Variants in SPIDR observed in about 807,000 individuals in gnomAD.
The protein encoded by SPIDR is scaffold protein involved in DNA repair.
Under a neutral mutation model 104.6 loss-of-function variants are expected in SPIDR, and 93 were observed. The observed-to-expected ratio is 0.89, with a 90% confidence interval of 0.75 to 1.06. The LOEUF (loss-of-function observed/expected upper bound fraction) is 1.06. SPIDR is among the 50% of genes least tolerant of loss of function. SPIDR has a pLI of 0.00. For synonymous variants in SPIDR, 431 were observed against 416.9 expected (o/e 1.03, Z -0.41); for missense variants, 1,154 against 1,111.2 (o/e 1.04, Z -0.55).
chr8:47,406,241 T>C (rs1196866561), intron 6 of SPIDR, among the ~76,000 whole-genome samples: 1 of 152,222 alleles, frequency 6.6e-6, no homozygotes, highest in Non-Finnish European at 1.5e-5. Context: ...GTGCTAGGTA[T>C]ATTATCAAGA....
chr8:47,310,577 A>G (rs782720905), intron 5 of SPIDR, among the ~76,000 whole-genome samples: 1 of 152,174 alleles, frequency 6.6e-6, no homozygotes, highest in Non-Finnish European at 1.5e-5. Context: ...ATGGTATAAG[A>G]TGAGCATTTC....
chr8:47,581,765 AGAAG>A (rs1371883615), intron 8 of SPIDR, among the ~76,000 whole-genome samples: 1 of 152,188 alleles, frequency 6.6e-6, no homozygotes, highest in East Asian at 1.9e-4. Flanking sequence ...AAAAGGGAGG[AGAAG>A]GAAGGAAGAA....
intron 8 of SPIDR, among the ~76,000 whole-genome samples, chr8:47,568,909 G>GT (rs2058205323): frequency 6.6e-6 from 1 of 152,108 alleles, no homozygotes; most frequent in Non-Finnish European, 1.5e-5. Flanking sequence ...CACATTGAAT[G>GT]TAAATGGATA....
At chr8:47,627,913 TTAGCCTG>T (rs1167607422) in intron 10 of SPIDR, among the ~76,000 whole-genome samples, 1 of 152,214 alleles carries the variant, frequency 6.6e-6, no homozygotes, top group Non-Finnish European at 1.5e-5. Context: ...CTGGTTAACA[TTAGCCTG>T]GGCTGCCTGG....
intron 5 of SPIDR, among the ~76,000 whole-genome samples, chr8:47,352,291 AAG>A (rs1554622921): frequency 6.6e-5 from 10 of 151,378 alleles, no homozygotes; most frequent in African/African-American, 2.4e-4. Context: ...AAAAAAAAAA[AAG>A]AAAGAAAGAA....
At chr8:47,641,468 G>A (rs1349716236) in intron 10 of SPIDR, among the ~76,000 whole-genome samples, 5 of 152,152 alleles carry the variant, frequency 3.3e-5, no homozygotes, top group African/African-American at 4.8e-5. Context: ...GATTCAATTC[G>A]ATGCATTTAC....
At chr8:47,698,770 A>C (rs2079701081) in intron 11 of SPIDR, among the ~76,000 whole-genome samples, 1 of 152,206 alleles carries the variant, frequency 6.6e-6, no homozygotes, top group Non-Finnish European at 1.5e-5. Context: ...GAGAAGCTTT[A>C]GTTTAAAATA....
chr8:47,559,231 G>C (rs2056762137), intron 8 of SPIDR, among the ~76,000 whole-genome samples: 2 of 152,168 alleles, frequency 1.3e-5, no homozygotes, highest in Non-Finnish European at 2.9e-5. Flanking sequence ...ATAAATAGTG[G>C]ACATTTTAAA....
At position 47,293,760 on chromosome 8, in the gene SPIDR, T is replaced by C; in HGVS notation, c.362-107T>C. On this transcript the variant is annotated intron_variant, in intron 4 of 19. Transcript: ENST00000297423. ...ATTGTGCCTGGCCCTAAATATATTT[T>C]TTAAAATTATTGAGTGACATGGATA... 3.2e-6 allele frequency: 4 copies of C among 1,231,434 alleles called. No individual in the cohort carries two copies. The South Asian group carries it at 6.8e-5, about 21-fold the overall frequency. 76.3% of individuals were successfully genotyped at this position (1,231,434 alleles called of 1,614,324 possible).
chr8:47,384,769 TA>T (rs1407968307), intron 5 of SPIDR, among the ~76,000 whole-genome samples: 1 of 152,194 alleles, frequency 6.6e-6, no homozygotes, highest in African/African-American at 2.4e-5. Context: ...GATCCTCTGC[TA>T]AAAAATTCCA....
chr8:47,466,334 G>A (rs73565254), intron 8 of SPIDR, among the ~76,000 whole-genome samples: 2,759 of 152,120 alleles, frequency 0.018, 85 homozygotes, highest in African/African-American at 0.064. Flanking sequence ...GTCAGACCAC[G>A]GCACAATCAA....
chr8:47,714,591 C>T (rs958627615), intron 16 of SPIDR, among the ~76,000 whole-genome samples: 4 of 152,244 alleles, frequency 2.6e-5, no homozygotes, highest in African/African-American at 4.8e-5. Context: ...AGCCCACCCT[C>T]TGTCCCCGGC....
intron 10 of SPIDR, among the ~76,000 whole-genome samples, chr8:47,609,580 G>A (rs1452035228): frequency 6.6e-6 from 1 of 152,068 alleles, no homozygotes; most frequent in East Asian, 1.9e-4. Flanking sequence ...TCCTTTGTAG[G>A]TGGCAGAAAA....
chr8:47,511,598 C>T, intron 8 of SPIDR: 1 of 785,688 alleles, frequency 1.3e-6, no homozygotes, highest in Non-Finnish European at 2.3e-6. Flanking sequence ...AGTTTCAGTA[C>T]TACATGAACA....
At chr8:47,734,250 G>A (rs900779814) in intron 19 of SPIDR, among the ~76,000 whole-genome samples, 1 of 152,086 alleles carries the variant, frequency 6.6e-6, no homozygotes, top group African/African-American at 2.4e-5. Flanking sequence ...GGGCCAGCTG[G>A]AAGCTGGGCA....
rs1331366228 is a variant in SPIDR at position 47,496,431 on chromosome 8, T to A, written c.1097+55889T>A. 2.0e-5 allele frequency among the ~76,000 whole-genome samples: 3 copies of A among 152,318 alleles called. No individual in the cohort carries two copies. In the East Asian group the frequency reaches 5.8e-4, roughly 29 times the overall value. ...ACATGTATTAAATTTAGTAAAATGCTTTTTCTGTGTCTATTTAGATGATTA... is the reference window on the plus strand; with the variant it reads ...ACATGTATTAAATTTAGTAAAATGCATTTTCTGTGTCTATTTAGATGATTA... On this transcript the variant is annotated intron_variant, in intron 8 of 19. Coordinates refer to ENST00000297423, the MANE Select transcript of SPIDR (RefSeq NM_001080394.4).
chr8:47,520,979 A>C (rs573249211), intron 8 of SPIDR, among the ~76,000 whole-genome samples: 2 of 152,346 alleles, frequency 1.3e-5, no homozygotes, highest in East Asian at 3.9e-4. Flanking sequence ...GCATCAATGT[A>C]AGTATAGACA....
At chr8:47,537,844 A>G (rs1423644099) in intron 8 of SPIDR, among the ~76,000 whole-genome samples, 1 of 152,196 alleles carries the variant, frequency 6.6e-6, no homozygotes, top group East Asian at 1.9e-4. Flanking sequence ...TCATAAACCT[A>G]AAGCTACTCT....
At chr8:47,314,515 A>G (rs925298440) in intron 5 of SPIDR, among the ~76,000 whole-genome samples, 1 of 152,154 alleles carries the variant, frequency 6.6e-6, no homozygotes, top group South Asian at 2.1e-4. Context: ...GGGGAAGCAA[A>G]CATGTCCTTC....
Sources: gnomAD v4.1 joint callset for allele counts (sites outside exome capture counted in the v4.1 genomes callset) on GRCh38, gnomAD v4.1.1 for gene constraint, MANE v1.5 for transcripts, NCBI Gene and HGNC (gene_info 2026-07-23, HGNC 2026-07-21) for gene names.